The following TRIM37 variants were observed in gnomAD, a reference collection of about 807,000 sequenced individuals.
TRIM37 encodes the protein E3 ubiquitin-protein ligase TRIM37.
TRIM37 carries 80 observed loss-of-function variants against 129.8 expected under a neutral mutation model. The observed-to-expected ratio is 0.62, with a 90% CI of 0.51 to 0.74. The LOEUF is 0.74. TRIM37 is among the 30% of genes least tolerant of loss of function. The pLI is 0.00. For synonymous variants in TRIM37, 389 were observed against 387.1 expected (o/e 1.00, Z -0.06); for missense variants, 1,054 against 1,176.5 (o/e 0.90, Z 1.52).
intron 8 of TRIM37, among the ~76,000 whole-genome samples, chr17:59,072,492 C>A (rs939133581): frequency 2.6e-5 from 4 of 152,072 alleles, no homozygotes; most frequent in African/African-American, 4.8e-5. Flanking sequence ...CTTTGGGAGG[C>A]TGAGGCGGGT....
chr17:59,030,338 C>A (rs2037712593), intron 18 of TRIM37, among the ~76,000 whole-genome samples: 1 of 152,172 alleles, frequency 6.6e-6, no homozygotes, highest in Non-Finnish European at 1.5e-5. Context: ...AACTCCTGAC[C>A]TCAGGTGATC....
At chr17:59,039,210 C>G (rs2038879156) in intron 17 of TRIM37, among the ~76,000 whole-genome samples, 1 of 152,174 alleles carries the variant, frequency 6.6e-6, no homozygotes, top group African/African-American at 2.4e-5. Context: ...CACAGCTCCT[C>G]CTATAGCCTG....
intron 21 of TRIM37, among the ~76,000 whole-genome samples, chr17:59,015,170 G>A (rs908166886): frequency 6.6e-6 from 1 of 152,002 alleles, no homozygotes; most frequent in Non-Finnish European, 1.5e-5. Flanking sequence ...AGGTGCAGTG[G>A]CTCACGCCTG....
At chr17:59,045,421 C>T (rs2039678337) in intron 16 of TRIM37, among the ~76,000 whole-genome samples, 1 of 151,626 alleles carries the variant, frequency 6.6e-6, no homozygotes, top group South Asian at 2.1e-4. Flanking sequence ...GGGTGGATCA[C>T]GAGGTCAGGT....
At chr17:59,015,308 C>T (rs1397646790) in intron 21 of TRIM37, among the ~76,000 whole-genome samples, 2 of 139,068 alleles carry the variant, frequency 1.4e-5, no homozygotes, top group East Asian at 2.2e-4. Context: ...GGTGTGGTGG[C>T]GGGCACCTGT....
At chr17:59,100,783 G>A (rs2045381680) in intron 2 of TRIM37, among the ~76,000 whole-genome samples, 1 of 152,154 alleles carries the variant, frequency 6.6e-6, no homozygotes, top group Admixed American at 6.5e-5. Context: ...AGCACTTTGG[G>A]AGGCTGAGGT....
chr17:59,024,546 A>AAG (rs200220361), intron 19 of TRIM37, among the ~76,000 whole-genome samples: 40 of 151,760 alleles, frequency 2.6e-4, no homozygotes, highest in Non-Finnish European at 4.6e-4. Flanking sequence ...CTCTTTTTTT[A>AAG]AGAGAGAGAG....
the TRIM37 span, chr17:58,969,339 G>C: frequency 1.5e-6 from 1 of 684,752 alleles, no homozygotes; most frequent in Non-Finnish European, 2.7e-6. Flanking sequence ...GTGTTCTGGT[G>C]TGTAAACACA....
At chr17:59,028,171 A>G (rs1190880727) in intron 19 of TRIM37, among the ~76,000 whole-genome samples, 1 of 152,236 alleles carries the variant, frequency 6.6e-6, no homozygotes, top group Admixed American at 6.5e-5. Context: ...AGAATACAAG[A>G]TCTATGATGT....
At chr17:59,058,364 G>C (rs1362964287) in intron 12 of TRIM37, among the ~76,000 whole-genome samples, 2 of 152,154 alleles carry the variant, frequency 1.3e-5, no homozygotes, top group Non-Finnish European at 2.9e-5. Flanking sequence ...GGAAACAACA[G>C]ACACTGGGGT....
At chr17:59,070,771 T>C (rs1167818627) in intron 9 of TRIM37, 52 bp downstream of exon 9, 1 of 1,577,980 alleles carries the variant, frequency 6.3e-7, no homozygotes. Context: ...AACAAGTATA[T>C]GCATTTCCAC....
chr17:59,069,303 C>T (rs1287110850), intron 9 of TRIM37, among the ~76,000 whole-genome samples: 2 of 151,796 alleles, frequency 1.3e-5, no homozygotes, highest in East Asian at 3.9e-4. Flanking sequence ...GCCGAGATCA[C>T]GCCACTGCAT....
At chr17:59,094,061 G>A (rs2147377794) in intron 2 of TRIM37, among the ~76,000 whole-genome samples, 1 of 152,052 alleles carries the variant, frequency 6.6e-6, no homozygotes, top group Non-Finnish European at 1.5e-5. Context: ...CACCCAGATG[G>A]TTTTCGTATT....
At chr17:59,093,792 T>G (rs2044614195) in intron 2 of TRIM37, among the ~76,000 whole-genome samples, 1 of 152,242 alleles carries the variant, frequency 6.6e-6, no homozygotes, top group Non-Finnish European at 1.5e-5. Flanking sequence ...CATAGAAATG[T>G]CACTGGATCA....
At chr17:59,068,921 G>C (rs2042139301) in intron 9 of TRIM37, among the ~76,000 whole-genome samples, 1 of 152,172 alleles carries the variant, frequency 6.6e-6, no homozygotes, top group South Asian at 2.1e-4. Flanking sequence ...GTGGGGTGGG[G>C]AGTGCTACTG....
chr17:58,986,101 CAA>C (rs986591797), intron 24 of TRIM37, among the ~76,000 whole-genome samples: 73 of 152,276 alleles, frequency 4.8e-4, no homozygotes, highest in African/African-American at 1.7e-3. Flanking sequence ...GAAATTTACC[CAA>C]GTTACCAAAT....
At chr17:58,987,078 A>G (rs1255196161) in intron 24 of TRIM37, among the ~76,000 whole-genome samples, 1 of 152,102 alleles carries the variant, frequency 6.6e-6, no homozygotes, top group Admixed American at 6.5e-5. Flanking sequence ...TCCTCTCCTC[A>G]TTGTGCAAAC....
At chr17:58,987,817 C>T (rs1384003399) in intron 24 of TRIM37, among the ~76,000 whole-genome samples, 2 of 152,100 alleles carry the variant, frequency 1.3e-5, no homozygotes, top group Non-Finnish European at 2.9e-5. Context: ...GGCTCATTTT[C>T]TGAATTCTGG....
At chr17:59,051,405 T>C (rs2040332979) in intron 13 of TRIM37, 77 bp from the exon 14 acceptor site, 5 of 1,022,320 alleles carry the variant, frequency 4.9e-6, no homozygotes, top group Non-Finnish European at 7.6e-6. Context: ...ATTCTGCAAT[T>C]TGGGTTAACT....
Sources: gnomAD v4.1 joint callset for allele counts (sites outside exome capture counted in the v4.1 genomes callset) on GRCh38, gnomAD v4.1.1 for gene constraint, MANE v1.5 for transcripts, NCBI Gene and HGNC (gene_info 2026-07-23, HGNC 2026-07-21) for gene names.